The following PPP2R2B variants were observed in gnomAD, a reference collection of about 807,000 sequenced individuals.
PPP2R2B encodes the protein protein phosphatase 2 regulatory subunit Bbeta, also known as serine/threonine-protein phosphatase 2A 55 kDa regulatory subunit B beta isoform.
PPP2R2B carries 5 observed loss-of-function variants against 46.0 expected under a neutral mutation model. The observed-to-expected ratio is 0.11, with a 90% CI of 0.06 to 0.23. PPP2R2B has a LOEUF of 0.23. Among genes scored for constraint, PPP2R2B ranks in the 10% least tolerant of loss-of-function variants. The pLI is 1.00. For synonymous variants in PPP2R2B, 215 were observed against 206.7 expected (o/e 1.04, Z -0.34); for missense variants, 367 against 575.0 (o/e 0.64, Z 3.70).
intron 2 of PPP2R2B, among the ~76,000 whole-genome samples, chr5:146,828,127 C>G (rs1359031632): frequency 6.6e-6 from 1 of 152,108 alleles, no homozygotes; most frequent in African/African-American, 2.4e-5. Flanking sequence ...GCAGCCCCCT[C>G]CTGCATGATC....
intron 1 of PPP2R2B, among the ~76,000 whole-genome samples, chr5:147,041,748 T>C (rs1006964344): frequency 1.3e-5 from 2 of 152,184 alleles, no homozygotes; most frequent in African/African-American, 4.8e-5. Context: ...TATTATTTGC[T>C]TTTTATTCAT....
intron 2 of PPP2R2B, among the ~76,000 whole-genome samples, chr5:146,851,202 T>G (rs1051882419): frequency 6.6e-6 from 1 of 152,242 alleles, no homozygotes; most frequent in East Asian, 1.9e-4. Flanking sequence ...ATTAAGTAAT[T>G]TTTCTTTATT....
At chr5:147,056,065 T>G (rs1035724469), upstream of PPP2R2B, 4 of 1,128,590 alleles carry the variant, frequency 3.5e-6, no homozygotes, top group Admixed American at 4.0e-5. Context: ...CACGCTGAAA[T>G]GCTCTGCCTG....
At chr5:146,892,139 T>A (rs1245499922) in intron 1 of PPP2R2B, among the ~76,000 whole-genome samples, 1 of 152,154 alleles carries the variant, frequency 6.6e-6, no homozygotes, top group Non-Finnish European at 1.5e-5. Context: ...ACCCTACCTA[T>A]CCTTCAAATC....
chr5:146,967,369 T>G (rs112741081), intron 1 of PPP2R2B, among the ~76,000 whole-genome samples: 3 of 152,218 alleles, frequency 2.0e-5, no homozygotes, highest in African/African-American at 7.2e-5. Flanking sequence ...GATTTTATTA[T>G]GTGCCAGGCA....
chr5:146,586,634 A>G lies in PPP2R2B; in HGVS notation c.*3313T>C, dbSNP rs537404270. On this transcript the variant is annotated 3_prime_UTR_variant, in exon 10 of 10. Transcript: ENST00000394411. ...TAGCTTCATCTTTATTCCACCTTGC[A>G]ATTGTTCCATCTTATATATGCTGGT... is the stretch of plus-strand genomic sequence containing the variant. 1 of 152,292 alleles carries G rather than the reference A, an allele frequency of 6.6e-6. No homozygotes were observed. The highest frequency in any genetic ancestry group is 1.9e-4 in the East Asian group (1 of 5,184). The allele number at this position is 152,292 out of a possible 1,614,324, so 9.4% of individuals were successfully genotyped here.
intron 1 of PPP2R2B, among the ~76,000 whole-genome samples, chr5:147,008,403 A>G (rs1462323968): frequency 2.6e-5 from 4 of 152,204 alleles, no homozygotes; most frequent in Non-Finnish European, 4.4e-5. Context: ...TAAAATATTT[A>G]TGAAACACCT....
chr5:146,805,642 G>A (rs1446274928), intron 2 of PPP2R2B, among the ~76,000 whole-genome samples: 1 of 152,138 alleles, frequency 6.6e-6, no homozygotes, highest in Admixed American at 6.6e-5. Flanking sequence ...ATATGGTAAA[G>A]CAGATGAGCC....
chr5:147,025,882 C>T (rs895472193), intron 1 of PPP2R2B, among the ~76,000 whole-genome samples: 4 of 151,898 alleles, frequency 2.6e-5, no homozygotes, highest in Admixed American at 6.6e-5. Context: ...AAAAAGATAC[C>T]CTGCTTCCTT....
chr5:146,928,643 C>G (rs1763867231), intron 1 of PPP2R2B, among the ~76,000 whole-genome samples: 1 of 152,112 alleles, frequency 6.6e-6, no homozygotes, highest in African/African-American at 2.4e-5. Flanking sequence ...TTTACTACTT[C>G]TAACTTTGAT....
In PPP2R2B at chr5:147,011,302, C is replaced by T. The variant is rs1000406404; in HGVS notation, c.79+44363G>A. Among the ~76,000 whole-genome samples the T allele has an allele frequency of 5.3e-5, 8 of 152,054 alleles. No homozygotes were observed. In the East Asian group the frequency reaches 1.6e-3, roughly 29 times the overall value. On this transcript the variant is annotated intron_variant, in intron 1 of 8. Transcript: ENST00000336640. ...AGTCCTATTTAAAATTATAAATGCCCCCCCCATCCCTACATAGGAGCTTTC... is the reference window on the plus strand; with the variant it reads ...AGTCCTATTTAAAATTATAAATGCCTCCCCCATCCCTACATAGGAGCTTTC...
At chr5:146,849,274 T>C (rs899666345) in intron 2 of PPP2R2B, among the ~76,000 whole-genome samples, 1 of 152,214 alleles carries the variant, frequency 6.6e-6, no homozygotes, top group Non-Finnish European at 1.5e-5. Context: ...TATATCTACA[T>C]AAATATTTCT....
Position 146,589,941 on chromosome 5 carries a change from G to T in PPP2R2B, c.*6C>A, listed in dbSNP as rs779608394. On this transcript the variant is annotated 3_prime_UTR_variant, in exon 10 of 10. Transcript: ENST00000394411. ...ATGTGAGATTATTAAGTAATAACTTGTCCACCTAGTTAACCTTGTCCTGGA... is the reference window on the plus strand; with the variant it reads ...ATGTGAGATTATTAAGTAATAACTTTTCCACCTAGTTAACCTTGTCCTGGA... The T allele has an allele frequency of 6.2e-7, 1 of 1,610,306 alleles. No homozygotes were observed. Among genetic ancestry groups the T allele is most frequent in the African/African-American group, 1.3e-5 (1 of 74,924 alleles).
intron 1 of PPP2R2B, among the ~76,000 whole-genome samples, chr5:147,034,966 G>A (rs776036046): frequency 1.1e-4 from 17 of 151,964 alleles, no homozygotes; most frequent in Non-Finnish European, 2.4e-4. Flanking sequence ...AAGGAGGGAG[G>A]TGTGGGGTGG....
At chr5:146,751,549 T>C (rs1753558003) in intron 2 of PPP2R2B, 1 of 152,232 alleles carries the variant, frequency 6.6e-6, no homozygotes, top group Admixed American at 6.5e-5. Flanking sequence ...TTCTTTCATT[T>C]ATTCTTCTGT....
intron 8 of PPP2R2B, among the ~76,000 whole-genome samples, chr5:146,596,762 G>A (rs1244503151): frequency 6.6e-6 from 1 of 152,144 alleles, no homozygotes; most frequent in Non-Finnish European, 1.5e-5. Flanking sequence ...CCCTGAAGTC[G>A]AGGTAGGATT....
At chr5:146,683,885 A>G (rs435571) in intron 5 of PPP2R2B, among the ~76,000 whole-genome samples, 18,897 of 152,230 alleles carry the variant, frequency 0.12, 1,855 homozygotes, top group African/African-American at 0.26. Context: ...GAGTATGTGC[A>G]TCCCACTGAG....
At chr5:147,058,855 C>G (rs1391888688), upstream of PPP2R2B, among the ~76,000 whole-genome samples, 1 of 152,114 alleles carries the variant, frequency 6.6e-6, no homozygotes, top group Admixed American at 6.5e-5. Context: ...AATAATTTAT[C>G]CACAGGAGAT....
At chr5:146,893,031 T>A (rs1432589269) in intron 1 of PPP2R2B, among the ~76,000 whole-genome samples, 2 of 152,138 alleles carry the variant, frequency 1.3e-5, no homozygotes, top group Non-Finnish European at 2.9e-5. Context: ...AGTGGGCCAT[T>A]TTCAGTTTCT....
Sources: gnomAD v4.1 joint callset for allele counts (sites outside exome capture counted in the v4.1 genomes callset) on GRCh38, gnomAD v4.1.1 for gene constraint, MANE v1.5 for transcripts, NCBI Gene and HGNC (gene_info 2026-07-23, HGNC 2026-07-21) for gene names.